The following ACSF3 variants were observed in gnomAD, a reference collection of about 807,000 sequenced individuals.
ACSF3 encodes the protein acyl-CoA synthetase family member 3, also known as malonate--CoA ligase ACSF3, mitochondrial.
Under a neutral mutation model 53.2 loss-of-function variants are expected in ACSF3, and 78 were observed. The ratio of observed to expected loss-of-function variants is 1.47; its 90% CI spans 1.22 to 1.77. The LOEUF (loss-of-function observed/expected upper bound fraction) is 1.77. Ranked by LOEUF, ACSF3 falls within the 40% of genes most tolerant of loss-of-function variation. The probability of loss-of-function intolerance (pLI) is 0.00; values close to 1 mark genes in which losing one functional copy is unlikely to be tolerated. For missense variants in ACSF3, 937 were observed against 771.1 expected, an observed-to-expected ratio of 1.22 and a Z score of -2.55; for synonymous variants, 414 against 333.1, an observed-to-expected ratio of 1.24 and a Z score of -2.65.
chr16:89,097,705 T>C (rs1338605213), intron 1 of ACSF3, among the ~76,000 whole-genome samples: 1 of 152,150 alleles, frequency 6.6e-6, no homozygotes, highest in African/African-American at 2.4e-5. Flanking sequence ...ATTCTCTGGG[T>C]TTCTCTATGG....
chr16:89,133,163 G>A lies in ACSF3; in HGVS notation c.1267G>A (p.Gly423Arg). The A allele has an allele frequency of 6.2e-7, 1 of 1,614,058 alleles. No individual in the cohort carries two copies. The highest frequency in any genetic ancestry group is 8.5e-7 in the Non-Finnish European group (1 of 1,180,016). The change falls in exon 8 of 11, where the codon GGG becomes AGG. Residue 423 changes from glycine (G) to arginine (R), a missense_variant. Physicochemically the swap from Gly to Arg is moderately radical, Grantham distance 125. Transcript: ENST00000614302. ...KVTPGFEEKEGELLVRGPSVF... is the reference protein window; with the variant it reads ...KVTPGFEEKERELLVRGPSVF... ...GACCCCAGGGTTTGAAGAAAAGGAG[G>A]GGGAGCTGCTGGTGAGGGGACCCTC...
chr16:89,141,382 G>C, intron 8 of ACSF3: 1 of 1,177,882 alleles, frequency 8.5e-7, no homozygotes, highest in Non-Finnish European at 1.1e-6. Context: ...CATGTTCCAA[G>C]GGGCAAGCTC....
intron 2 of ACSF3, among the ~76,000 whole-genome samples, chr16:89,099,870 G>T (rs932609685): frequency 2.0e-5 from 3 of 151,488 alleles, no homozygotes; most frequent in East Asian, 1.9e-4. Context: ...AGGTGAGAGA[G>T]AGGAGAGAGA....
chr16:89,100,473 G>A lies in ACSF3; in HGVS notation c.-20-189G>A, dbSNP rs149850074. 3.6e-3 allele frequency among the ~76,000 whole-genome samples: 542 copies of A among 152,340 alleles called. 3 individuals carry two copies. Among genetic ancestry groups the A allele is most frequent in the Non-Finnish European group, 6.2e-3 (420 of 68,028 alleles). ...AGTGAAATAGAAAGCTGAGATGCTG[G>A]GCACGTACGGAACGTTCCAGCAGTG... On this transcript the variant is annotated intron_variant, in intron 2 of 10. Coordinates refer to ENST00000614302, the MANE Select transcript of ACSF3 (RefSeq NM_001243279.3).
chr16:89,120,037 C>T (rs1220599425), intron 6 of ACSF3, among the ~76,000 whole-genome samples: 3 of 152,240 alleles, frequency 2.0e-5, no homozygotes, highest in African/African-American at 4.8e-5. Flanking sequence ...GACGCCACAT[C>T]GCCAGGGCCG....
chr16:89,105,873 A>G (rs1011961417), intron 4 of ACSF3, among the ~76,000 whole-genome samples: 1 of 152,116 alleles, frequency 6.6e-6, no homozygotes, highest in East Asian at 1.9e-4. Flanking sequence ...AGAGTGTGTT[A>G]CCCTCAGGGC....
chr16:89,113,007 C>T (rs1736876716), intron 5 of ACSF3, among the ~76,000 whole-genome samples: 1 of 152,186 alleles, frequency 6.6e-6, no homozygotes, highest in Admixed American at 6.5e-5. Context: ...GGCGTGTTTG[C>T]TCTGCACTCT....
chr16:89,151,013 GTCATGAGTT>G, intron 10 of ACSF3: 1 of 1,288,620 alleles, frequency 7.8e-7, no homozygotes, highest in Non-Finnish European at 1.0e-6. Flanking sequence ...CAAACCAAAG[GTCATGAGTT>G]TTCAGGTTGA....
In ACSF3 at chr16:89,096,793, A is replaced by G. The variant is rs1469552871; in HGVS notation, c.-193-1798A>G. Reference sequence around the variant, plus strand: ...CTCACCCTCCATAGGAAGCCTCCCCACCAGGCCCCCGTCCGTTCCTCCTGC... The same window carrying G: ...CTCACCCTCCATAGGAAGCCTCCCCGCCAGGCCCCCGTCCGTTCCTCCTGC... On this transcript the variant is annotated intron_variant, in intron 1 of 10. Coordinates refer to ENST00000614302, the MANE Select transcript of ACSF3 (RefSeq NM_001243279.3). 3.3e-5 allele frequency among the ~76,000 whole-genome samples: 5 copies of G among 151,994 alleles called. No individual in the cohort carries two copies. The East Asian group carries it at 9.6e-4, about 29-fold the overall frequency.
chr16:89,115,846 G>C (rs1237180380), intron 6 of ACSF3, among the ~76,000 whole-genome samples: 1 of 152,184 alleles, frequency 6.6e-6, no homozygotes, highest in Non-Finnish European at 1.5e-5. Flanking sequence ...TTTCAACTGG[G>C]GCCTTTGTTT....
chr16:89,096,261 C>G (rs1974604330), intron 1 of ACSF3, among the ~76,000 whole-genome samples: 1 of 152,260 alleles, frequency 6.6e-6, no homozygotes, highest in East Asian at 1.9e-4. Context: ...CCTGACTGAA[C>G]TGCATTTGTC....
At chr16:89,124,075 A>G (rs1907353324) in intron 7 of ACSF3, among the ~76,000 whole-genome samples, 1 of 3,626 alleles carries the variant, frequency 2.8e-4, no homozygotes, top group East Asian at 1.1e-3. Context: ...TATCACACAC[A>G]TGCCTAGTGT....
At chr16:89,121,058 G>A (rs1006147673) in intron 7 of ACSF3, 145 bp downstream of exon 7, 1 of 711,936 alleles carries the variant, frequency 1.4e-6, no homozygotes, top group Non-Finnish European at 2.3e-6. Context: ...GTGCTGGCTG[G>A]TGTTGCAAGG....
chr16:89,148,722 CA>C (rs1266020679), intron 10 of ACSF3: 2 of 152,250 alleles, frequency 1.3e-5, no homozygotes, highest in Non-Finnish European at 2.9e-5. Flanking sequence ...TGCCCTGGAG[CA>C]GTGGCCTGAG....
At chr16:89,113,914 G>A (rs1904538463) in intron 5 of ACSF3, 4 of 325,856 alleles carry the variant, frequency 1.2e-5, no homozygotes, top group African/African-American at 4.3e-5. Context: ...GCCGGCTGTA[G>A]TCCCCGGATG....
At chr16:89,116,603 G>T (rs953079484) in intron 6 of ACSF3, among the ~76,000 whole-genome samples, 1 of 152,230 alleles carries the variant, frequency 6.6e-6, no homozygotes, top group East Asian at 1.9e-4. Context: ...CTCAGCTGCC[G>T]TGCAGAGCTG....
intron 4 of ACSF3, among the ~76,000 whole-genome samples, chr16:89,102,980 T>C (rs921239092): frequency 6.6e-6 from 1 of 152,234 alleles, no homozygotes; most frequent in Non-Finnish European, 1.5e-5. Flanking sequence ...TGGAACCCTG[T>C]ACCTACGATG....
chr16:89,117,879 A>G (rs757499496), intron 6 of ACSF3, among the ~76,000 whole-genome samples: 5 of 100,620 alleles, frequency 5.0e-5, no homozygotes, highest in Non-Finnish European at 8.8e-5. Context: ...CCAATCCCCG[A>G]GTCTTCAGCT....
At chr16:89,119,447 G>T (rs1597979860) in intron 6 of ACSF3, among the ~76,000 whole-genome samples, 1 of 152,358 alleles carries the variant, frequency 6.6e-6, no homozygotes, top group East Asian at 1.9e-4. Flanking sequence ...GGGCTGTGCG[G>T]GAGTTCTGAC....
Sources: gnomAD v4.1 joint callset for allele counts (sites outside exome capture counted in the v4.1 genomes callset) on GRCh38, gnomAD v4.1.1 for gene constraint, MANE v1.5 for transcripts, NCBI Gene and HGNC (gene_info 2026-07-23, HGNC 2026-07-21) for gene names.